NCK2: variants seen among roughly 807,000 people sequenced by gnomAD.
The protein encoded by NCK2 is NCK adaptor protein 2, also known as cytoplasmic protein NCK2.
NCK2 carries 16 observed loss-of-function variants against 33.9 expected under a neutral mutation model. The observed-to-expected ratio is 0.47, with a 90% CI of 0.32 to 0.72. The LOEUF (loss-of-function observed/expected upper bound fraction) is 0.72. Among genes scored for constraint, NCK2 ranks in the 30% least tolerant of loss-of-function variants. The probability of loss-of-function intolerance (pLI) is 0.03; values close to 1 mark genes in which losing one functional copy is unlikely to be tolerated. For missense variants in NCK2, 418 were observed against 537.3 expected, an observed-to-expected ratio of 0.78 and a Z score of 2.19; for synonymous variants, 273 against 239.9, an observed-to-expected ratio of 1.14 and a Z score of -1.27.
chr2:105,760,791 T>TGA (rs142266692), intron 1 of NCK2, among the ~76,000 whole-genome samples: 31 of 150,424 alleles, frequency 2.1e-4, no homozygotes, highest in Admixed American at 1.3e-3. Context: ...TTGTCACATG[T>TGA]GAGAGAGAGA....
intron 2 of NCK2, among the ~76,000 whole-genome samples, chr2:105,849,673 G>A (rs1420646121): frequency 6.6e-6 from 1 of 152,146 alleles, no homozygotes; most frequent in African/African-American, 2.4e-5. Context: ...GTGACACTTT[G>A]ATGGGTATCT....
At chr2:105,796,785 C>T (rs1272789733) in intron 1 of NCK2, among the ~76,000 whole-genome samples, 4 of 152,018 alleles carry the variant, frequency 2.6e-5, no homozygotes, top group Non-Finnish European at 5.9e-5. Flanking sequence ...CTCTTTGACG[C>T]AGGTAAATGC....
intron 1 of NCK2, among the ~76,000 whole-genome samples, chr2:105,794,322 G>C (rs1691000947): frequency 6.6e-6 from 1 of 152,042 alleles, no homozygotes; most frequent in Non-Finnish European, 1.5e-5. Flanking sequence ...AAAGTGCTAG[G>C]ATTACAGGCA....
At chr2:105,883,523 G>T (rs898704868) in intron 4 of NCK2, among the ~76,000 whole-genome samples, 2 of 152,146 alleles carry the variant, frequency 1.3e-5, no homozygotes, top group African/African-American at 4.8e-5. Context: ...TATTCTTTCT[G>T]CCTAAGATTT....
intron 2 of NCK2, among the ~76,000 whole-genome samples, chr2:105,834,283 A>G (rs1676307676): frequency 6.6e-6 from 1 of 152,090 alleles, no homozygotes; most frequent in African/African-American, 2.4e-5. Flanking sequence ...CTCTCTCTTT[A>G]GCTCTAATAA....
At chr2:105,812,022 A>G (rs1464087034) in intron 1 of NCK2, among the ~76,000 whole-genome samples, 2 of 152,182 alleles carry the variant, frequency 1.3e-5, no homozygotes, top group Non-Finnish European at 2.9e-5. Context: ...AGAATTAGAA[A>G]TTAGTTCTGT....
intron 3 of NCK2, among the ~76,000 whole-genome samples, chr2:105,880,583 A>G (rs1199897652): frequency 6.6e-6 from 1 of 152,154 alleles, no homozygotes; most frequent in East Asian, 1.9e-4. Flanking sequence ...TGCGTTCCCT[A>G]AGACTGGATG....
chr2:105,862,460 C>T (rs539043675), intron 3 of NCK2, among the ~76,000 whole-genome samples: 7 of 152,312 alleles, frequency 4.6e-5, no homozygotes, highest in African/African-American at 1.7e-4. Flanking sequence ...ACAGCAGTCA[C>T]AGGTACGAGA....
At chr2:105,823,659 C>T (rs1304601356) in intron 2 of NCK2, among the ~76,000 whole-genome samples, 3 of 151,898 alleles carry the variant, frequency 2.0e-5, no homozygotes, top group Admixed American at 1.3e-4. Context: ...AAACGAATAA[C>T]CCTTAGTGCT....
At chr2:105,884,374 G>A (rs1322432736) in intron 4 of NCK2, among the ~76,000 whole-genome samples, 1 of 152,048 alleles carries the variant, frequency 6.6e-6, no homozygotes, top group African/African-American at 2.4e-5. Context: ...TAATTCCTTC[G>A]CAGCATGCCA....
At chr2:105,765,749 G>C (rs1381436696) in intron 1 of NCK2, among the ~76,000 whole-genome samples, 1 of 151,786 alleles carries the variant, frequency 6.6e-6, no homozygotes, top group Non-Finnish European at 1.5e-5. Flanking sequence ...ACCCGTAACA[G>C]GCAGATAGCC....
intron 2 of NCK2, among the ~76,000 whole-genome samples, chr2:105,837,093 T>G (rs945546708): frequency 1.3e-5 from 2 of 152,208 alleles, no homozygotes; most frequent in Admixed American, 1.3e-4. Flanking sequence ...CTTTCCTCTG[T>G]GCTGCCATCC....
intron 1 of NCK2, among the ~76,000 whole-genome samples, chr2:105,749,372 C>A (rs1450507369): frequency 1.3e-5 from 2 of 152,158 alleles, no homozygotes; most frequent in African/African-American, 4.8e-5. Flanking sequence ...TTAGTGAAGA[C>A]CGAAAATGCC....
chr2:105,761,656 T>C (rs1689766960), intron 1 of NCK2, among the ~76,000 whole-genome samples: 1 of 152,104 alleles, frequency 6.6e-6, no homozygotes, highest in East Asian at 1.9e-4. Context: ...GGTGGGAGGA[T>C]TGCTTGAGCC....
intron 1 of NCK2, among the ~76,000 whole-genome samples, chr2:105,784,696 C>T (rs1304568688): frequency 1.3e-5 from 2 of 152,192 alleles, no homozygotes; most frequent in South Asian, 4.1e-4. Flanking sequence ...CTAGTGAAAA[C>T]TATAACACCA....
rs1267271017 is a variant in NCK2 at position 105,838,110 on chromosome 2, T to TC, written c.-16-16938_-16-16937insC. 3.9e-5 allele frequency among the ~76,000 whole-genome samples: 6 copies of TC among 152,206 alleles called. No homozygotes were observed. The South Asian group carries it at 1.0e-3, about 26-fold the overall frequency. On this transcript the variant is annotated intron_variant, in intron 2 of 4. Transcript: ENST00000233154. ...GTTTAACTAGAACAGTCCTTTTTTT[T>TC]TTTGTACCAGCAATAGATAACCACT...
chr2:105,878,586 A>G (rs563409145), intron 3 of NCK2, among the ~76,000 whole-genome samples: 1 of 152,348 alleles, frequency 6.6e-6, no homozygotes, highest in East Asian at 1.9e-4. Context: ...TCCAGCCTCC[A>G]GAATTGTGAG....
chr2:105,825,237 G>A (rs897412922), intron 2 of NCK2, among the ~76,000 whole-genome samples: 1 of 152,172 alleles, frequency 6.6e-6, no homozygotes, highest in African/African-American at 2.4e-5. Flanking sequence ...GGGCAGACAG[G>A]ACCTGGGCAT....
chr2:105,776,718 C>T (rs1296515585), intron 1 of NCK2, among the ~76,000 whole-genome samples: 14 of 152,170 alleles, frequency 9.2e-5, no homozygotes, highest in Non-Finnish European at 7.4e-5. Context: ...CAGGGCTGGA[C>T]TTAGTCCAGG....
Sources: gnomAD v4.1 joint callset for allele counts (sites outside exome capture counted in the v4.1 genomes callset) on GRCh38, gnomAD v4.1.1 for gene constraint, MANE v1.5 for transcripts, NCBI Gene and HGNC (gene_info 2026-07-23, HGNC 2026-07-21) for gene names.